ZFYVE9: variants seen among roughly 807,000 people sequenced by gnomAD.
ZFYVE9 encodes the protein zinc finger FYVE domain-containing protein 9.
ZFYVE9 carries 43 observed loss-of-function variants against 126.7 expected under a neutral mutation model. That is an observed-to-expected ratio of 0.34 (90% CI 0.27 to 0.44). The LOEUF (loss-of-function observed/expected upper bound fraction) is 0.44, where lower values mean the gene tolerates loss of function less well. ZFYVE9 is among the 20% of genes least tolerant of loss of function. The probability of loss-of-function intolerance (pLI) is 1.00; values close to 1 mark genes in which losing one functional copy is unlikely to be tolerated. For missense variants in ZFYVE9, 1,476 were observed against 1,697.0 expected (o/e 0.87, Z 2.29); for synonymous variants, 521 against 597.4 (o/e 0.87, Z 1.87).
At chr1:52,189,300 G>C (rs1382950582) in intron 1 of ZFYVE9, among the ~76,000 whole-genome samples, 1 of 150,222 alleles carries the variant, frequency 6.7e-6, no homozygotes, top group Non-Finnish European at 1.5e-5. Flanking sequence ...GCAGTGGCAC[G>C]ATCCAGGCTC....
intron 1 of ZFYVE9, among the ~76,000 whole-genome samples, chr1:52,193,065 C>G (rs943377036): frequency 2.6e-5 from 4 of 151,968 alleles, no homozygotes; most frequent in Non-Finnish European, 5.9e-5. Flanking sequence ...CTTATTGAAC[C>G]CCCATTTGAA....
At chr1:52,278,720 T>A in intron 9 of ZFYVE9, 106 bp downstream of exon 9, 2 of 528,550 alleles carry the variant, frequency 3.8e-6, no homozygotes, top group Non-Finnish European at 2.9e-6. Flanking sequence ...GAGCCACATC[T>A]TTTTTTTTTT....
chr1:52,337,869 C>T lies in ZFYVE9; in HGVS notation c.3768C>T (p.Asp1256=), dbSNP rs761258261. ...KDFTITCGKA[D]AEEPQEHIHI... ...TCACCATCACCTGTGGGAAGGCGGA[C>T]GCGGAGGAACCCCAGGAGCACATCC... is the stretch of plus-strand genomic sequence containing the variant. Residue 1256 remains aspartate (D), a synonymous_variant, in exon 16 of 19, where the codon GAC becomes GAT. Transcript: ENST00000287727. The T allele has an allele frequency of 1.1e-5, 17 of 1,614,196 alleles. No individual in the cohort carries two copies. The highest frequency in any genetic ancestry group is 5.0e-5 in the Admixed American group (3 of 60,022).
At chr1:52,270,886 C>T (rs549861665) in intron 7 of ZFYVE9, among the ~76,000 whole-genome samples, 2 of 151,460 alleles carry the variant, frequency 1.3e-5, no homozygotes, top group East Asian at 3.9e-4. Flanking sequence ...CTTAAAGGAT[C>T]ACATCAAGAA....
At chr1:52,276,980 A>G (rs1046907789) in intron 8 of ZFYVE9, among the ~76,000 whole-genome samples, 31 of 152,236 alleles carry the variant, frequency 2.0e-4, no homozygotes, top group Admixed American at 5.9e-4. Context: ...AAATGCAGCT[A>G]TGTCCCAGAT....
chr1:52,306,136 G>T (rs1646082487), intron 13 of ZFYVE9, among the ~76,000 whole-genome samples: 1 of 152,174 alleles, frequency 6.6e-6, no homozygotes, highest in African/African-American at 2.4e-5. Context: ...ATGGACTGTA[G>T]TGGGAACTTG....
At chr1:52,249,676 A>G (rs75223663) in intron 4 of ZFYVE9, among the ~76,000 whole-genome samples, 10,075 of 152,248 alleles carry the variant, frequency 0.066, 377 homozygotes, top group African/African-American at 0.1. Context: ...TTTTGGTGTC[A>G]TATCAAAGAA....
chr1:52,343,536 A>C (rs1646458808), intron 17 of ZFYVE9, among the ~76,000 whole-genome samples: 1 of 150,738 alleles, frequency 6.6e-6, no homozygotes, highest in Non-Finnish European at 1.5e-5. Flanking sequence ...CAGGAGGATC[A>C]CCTAAGGTCA....
At chr1:52,202,714 C>G (rs1290278029) in intron 1 of ZFYVE9, among the ~76,000 whole-genome samples, 2 of 151,964 alleles carry the variant, frequency 1.3e-5, no homozygotes, top group East Asian at 3.9e-4. Context: ...GAGATGAAGT[C>G]TTACTCTGTC....
chr1:52,240,685 A>T (rs1645324638), intron 4 of ZFYVE9, among the ~76,000 whole-genome samples: 1 of 152,180 alleles, frequency 6.6e-6, no homozygotes, highest in African/African-American at 2.4e-5. Flanking sequence ...ATAGTATCTC[A>T]GTTCTAATTA....
chr1:52,183,752 C>T (rs1021623978), intron 1 of ZFYVE9, among the ~76,000 whole-genome samples: 6 of 152,292 alleles, frequency 3.9e-5, no homozygotes, highest in Admixed American at 1.3e-4. Flanking sequence ...GCAATCCACC[C>T]GCCTCGGCCT....
At chr1:52,172,319 G>C (rs1410590403) in intron 1 of ZFYVE9, among the ~76,000 whole-genome samples, 1 of 152,156 alleles carries the variant, frequency 6.6e-6, no homozygotes, top group East Asian at 1.9e-4. Flanking sequence ...GTAGATATGC[G>C]GCGTTATTTC....
intron 1 of ZFYVE9, among the ~76,000 whole-genome samples, chr1:52,148,256 C>T (rs1474580135): frequency 1.3e-5 from 2 of 151,960 alleles, no homozygotes; most frequent in African/African-American, 2.4e-5. Flanking sequence ...GGGCCGATCG[C>T]CTGAGGTCAG....
intron 2 of ZFYVE9, among the ~76,000 whole-genome samples, chr1:52,222,609 C>T (rs867665554): frequency 6.6e-6 from 1 of 152,186 alleles, no homozygotes; most frequent in African/African-American, 2.4e-5. Context: ...AGGAGTCCAT[C>T]GTGGACAAGG....
intron 15 of ZFYVE9, among the ~76,000 whole-genome samples, chr1:52,337,503 A>T (rs1383866282): frequency 6.6e-6 from 1 of 152,240 alleles, no homozygotes; most frequent in Non-Finnish European, 1.5e-5. Context: ...TGTCCAGAAG[A>T]AGAATGTGAC....
intron 4 of ZFYVE9, among the ~76,000 whole-genome samples, chr1:52,244,525 G>T (rs889648717): frequency 6.6e-6 from 1 of 152,164 alleles, no homozygotes; most frequent in Non-Finnish European, 1.5e-5. Context: ...TATAAACATT[G>T]TGAAGGGTGA....
chr1:52,155,485 C>T (rs932069023), intron 1 of ZFYVE9, among the ~76,000 whole-genome samples: 1 of 152,144 alleles, frequency 6.6e-6, no homozygotes, highest in Non-Finnish European at 1.5e-5. Flanking sequence ...CCACCCGCCT[C>T]GGCCTCCCAA....
intron 4 of ZFYVE9, among the ~76,000 whole-genome samples, chr1:52,255,902 T>TCTTTTCTTTTCTTTC (rs1645503793): frequency 1.2e-4 from 3 of 25,840 alleles, no homozygotes; most frequent in African/African-American, 6.1e-4. Flanking sequence ...TTTGCTTTTT[T>TCTTTTCTTTTCTTTC]CTTTTCTTTT....
intron 2 of ZFYVE9, among the ~76,000 whole-genome samples, chr1:52,223,962 G>T (rs566521214): frequency 9.2e-5 from 14 of 152,262 alleles, no homozygotes; most frequent in African/African-American, 3.4e-4. Flanking sequence ...TACAGTTGTG[G>T]CTCCAGAGAC....
Sources: gnomAD v4.1 joint callset for allele counts (sites outside exome capture counted in the v4.1 genomes callset) on GRCh38, gnomAD v4.1.1 for gene constraint, MANE v1.5 for transcripts, NCBI Gene and HGNC (gene_info 2026-07-23, HGNC 2026-07-21) for gene names.